ADAMTS6: variants seen among roughly 807,000 people sequenced by gnomAD.
ADAMTS6 encodes the protein ADAM metallopeptidase with thrombospondin type 1 motif 6.
ADAMTS6 carries 23 observed loss-of-function variants against 144.3 expected under a neutral mutation model. The observed-to-expected ratio is 0.16, with a 90% CI of 0.11 to 0.23. The LOEUF is 0.23. Among genes scored for constraint, ADAMTS6 ranks in the 10% least tolerant of loss-of-function variants. ADAMTS6 has a pLI of 1.00. For synonymous variants in ADAMTS6, 444 were observed against 457.5 expected (o/e 0.97, Z 0.38); for missense variants, 999 against 1,379.6 (o/e 0.72, Z 4.37).
At chr5:65,442,094 T>A (rs1360839203) in intron 7 of ADAMTS6, among the ~76,000 whole-genome samples, 83 of 114,642 alleles carry the variant, frequency 7.2e-4, no homozygotes, top group African/African-American at 1.2e-3. Flanking sequence ...AACAGAAAAA[T>A]GAAAAAAAAA....
intron 7 of ADAMTS6, among the ~76,000 whole-genome samples, chr5:65,409,178 A>T (rs1476659415): frequency 6.6e-6 from 1 of 152,174 alleles, no homozygotes; most frequent in Non-Finnish European, 1.5e-5. Context: ...ACAGAGACAT[A>T]AAAAACCCTT....
At chr5:65,430,842 C>G (rs1466233620) in intron 7 of ADAMTS6, among the ~76,000 whole-genome samples, 1 of 152,142 alleles carries the variant, frequency 6.6e-6, no homozygotes, top group African/African-American at 2.4e-5. Flanking sequence ...ACTCCTCATT[C>G]TTCAGAATCT....
intron 11 of ADAMTS6, among the ~76,000 whole-genome samples, chr5:65,277,789 CA>C (rs1393663717): frequency 6.6e-5 from 10 of 152,088 alleles, no homozygotes; most frequent in Middle Eastern, 3.2e-3. Context: ...TCCTTGCCTA[CA>C]AAAGTCTAAA....
chr5:65,231,616 T>C (rs191923930), intron 15 of ADAMTS6, among the ~76,000 whole-genome samples: 5 of 152,230 alleles, frequency 3.3e-5, no homozygotes, highest in Non-Finnish European at 4.4e-5. Context: ...CCAAGATACA[T>C]ACATGTTAGG....
In ADAMTS6 at chr5:65,470,873, A is replaced by T; in HGVS notation, c.367T>A (p.Trp123Arg). 1 of 1,610,610 alleles carries T rather than the reference A, an allele frequency of 6.2e-7. No individual in the cohort carries two copies. The highest frequency in any genetic ancestry group is 8.5e-7 in the Non-Finnish European group (1 of 1,179,114). ...CAGTTGTCTAAAAAATCATGTTTCC[A>T]CTGGGGTCCATCTTTCCCCCAATAT... ...VEYWGKDGPQ[W>R]KHDFLDNCHY... Residue 123 changes from tryptophan (W) to arginine (R), a missense_variant, in exon 3 of 25, where the codon TGG (tryptophan) becomes AGG (arginine). Around this residue, in one of 3 missense-constraint regions of ADAMTS6, gnomAD observed 252 missense variants for 293.7 expected, o/e 0.86. Transcript: ENST00000381055.
At chr5:65,273,313 A>G in intron 12 of ADAMTS6, 27 bp downstream of exon 12, 1 of 1,597,582 alleles carries the variant, frequency 6.3e-7, no homozygotes, top group South Asian at 1.1e-5. Flanking sequence ...TATACATGTC[A>G]AACAGGTAGT....
chr5:65,335,070 T>C (rs1217944686), intron 7 of ADAMTS6, among the ~76,000 whole-genome samples: 2 of 152,110 alleles, frequency 1.3e-5, no homozygotes, highest in Non-Finnish European at 2.9e-5. Context: ...TCAATATTAG[T>C]AGGGGAGAGG....
At chr5:65,331,897 AAAC>A (rs1746760259) in intron 8 of ADAMTS6, among the ~76,000 whole-genome samples, 1 of 151,992 alleles carries the variant, frequency 6.6e-6, no homozygotes, top group Admixed American at 6.6e-5. Context: ...AGTAGTATAA[AAAC>A]AATATACAAG....
intron 7 of ADAMTS6, among the ~76,000 whole-genome samples, chr5:65,341,421 G>T (rs1747809950): frequency 6.6e-6 from 1 of 151,642 alleles, no homozygotes; most frequent in Non-Finnish European, 1.5e-5. Flanking sequence ...GTGGTTTTTT[G>T]AAAAGATAAC....
chr5:65,268,569 TTCC>T (rs766693692), intron 12 of ADAMTS6, among the ~76,000 whole-genome samples: 20 of 152,102 alleles, frequency 1.3e-4, no homozygotes, highest in Non-Finnish European at 2.9e-4. Context: ...CTCATCAAAT[TTCC>T]TCCTTTGGTT....
intron 14 of ADAMTS6, chr5:65,251,811 T>C (rs1323316064): frequency 1.3e-5 from 2 of 152,202 alleles, no homozygotes; most frequent in Non-Finnish European, 2.9e-5. Context: ...CTTAAATTCT[T>C]AGAATGAAAG....
chr5:65,176,462 G>C (rs955823271), intron 22 of ADAMTS6, among the ~76,000 whole-genome samples: 2 of 152,124 alleles, frequency 1.3e-5, no homozygotes, highest in Admixed American at 6.5e-5. Context: ...AGGTTAAAAA[G>C]TATATATTGT....
chr5:65,253,812 CTTTTTTTTTTTTTTTTT>C (rs759508097), intron 14 of ADAMTS6, among the ~76,000 whole-genome samples: 6 of 66,998 alleles, frequency 9.0e-5, no homozygotes, highest in Admixed American at 4.7e-4. Context: ...AATATTCAAT[CTTTTTTTTTTTTTTTTT>C]TTTTTTTTTT....
chr5:65,446,914 A>C (rs1209775204), intron 7 of ADAMTS6, among the ~76,000 whole-genome samples: 4 of 152,168 alleles, frequency 2.6e-5, no homozygotes, highest in Non-Finnish European at 5.9e-5. Context: ...GAATATACTC[A>C]AAACCAGTGA....
At chr5:65,181,071 T>G (rs1473140092) in intron 22 of ADAMTS6, among the ~76,000 whole-genome samples, 3 of 152,238 alleles carry the variant, frequency 2.0e-5, no homozygotes, top group Non-Finnish European at 2.9e-5. Context: ...TTAGAGTGAC[T>G]GGTAAAAAGT....
chr5:65,232,930 T>C (rs56210246), intron 15 of ADAMTS6, among the ~76,000 whole-genome samples: 1 of 151,956 alleles, frequency 6.6e-6, no homozygotes, highest in Non-Finnish European at 1.5e-5. Flanking sequence ...CTGATGAACA[T>C]GGATGCAAAA....
At chr5:65,296,425 ATGGT>A (rs1420397341) in intron 10 of ADAMTS6, among the ~76,000 whole-genome samples, 1 of 152,178 alleles carries the variant, frequency 6.6e-6, no homozygotes, top group East Asian at 1.9e-4. Flanking sequence ...TGTATTGAGA[ATGGT>A]TTACCCTTTT....
chr5:65,249,497 C>T (rs1759959860), intron 14 of ADAMTS6, among the ~76,000 whole-genome samples: 1 of 152,150 alleles, frequency 6.6e-6, no homozygotes, highest in South Asian at 2.1e-4. Context: ...CTGCACTTGA[C>T]CTTGGTGCAG....
At chr5:65,322,401 C>A (rs570032773) in intron 9 of ADAMTS6, among the ~76,000 whole-genome samples, 3 of 152,100 alleles carry the variant, frequency 2.0e-5, no homozygotes, top group South Asian at 4.1e-4. Flanking sequence ...TTTTCTAGTT[C>A]TGTGAAGAAT....
Sources: gnomAD v4.1 joint callset for allele counts (sites outside exome capture counted in the v4.1 genomes callset) on GRCh38, gnomAD v4.1.1 for gene constraint, gnomAD v4.1.1 regional missense constraint, MANE v1.5 for transcripts, NCBI Gene and HGNC (gene_info 2026-07-23, HGNC 2026-07-21) for gene names.